Variants in MIER3 observed in about 807,000 individuals in gnomAD.
MIER3 encodes mesoderm induction early response protein 3.
In MIER3, 9 loss-of-function variants were observed where a neutral mutation model predicts 63.2. The observed-to-expected ratio is 0.14, with a 90% confidence interval of 0.09 to 0.25. The LOEUF (loss-of-function observed/expected upper bound fraction) is 0.25, where lower values mean the gene tolerates loss of function less well. Ranked by LOEUF, MIER3 falls within the 10% of genes least tolerant of loss-of-function variation. The pLI, the probability that MIER3 is intolerant of heterozygous loss-of-function variation, is 1.00. For missense variants in MIER3, 512 were observed against 666.2 expected (o/e 0.77, Z 2.55); for synonymous variants, 205 against 224.9 (o/e 0.91, Z 0.79).
chr5:56,931,700 CACCAAATCACTGTTATT>C (rs1750273115), intron 8 of MIER3, among the ~76,000 whole-genome samples: 1 of 152,016 alleles, frequency 6.6e-6, no homozygotes. Flanking sequence ...CAAAAGCAGG[CACCAAATCACTGTTATT>C]ACCAAATATC....
At chr5:56,936,099 C>T (rs1472267343) in intron 5 of MIER3, among the ~76,000 whole-genome samples, 3 of 152,084 alleles carry the variant, frequency 2.0e-5, no homozygotes, top group Non-Finnish European at 4.4e-5. Context: ...TGCCTGTCAT[C>T]CCAGCTACTC....
At chr5:56,929,745 T>C (rs940550088) in intron 9 of MIER3, among the ~76,000 whole-genome samples, 3 of 152,172 alleles carry the variant, frequency 2.0e-5, no homozygotes, top group African/African-American at 7.2e-5. Flanking sequence ...CAGATGTTAA[T>C]GTTGGTGAAT....
chr5:56,935,473 C>T lies in MIER3; in HGVS notation c.550G>A (p.Ala184Thr). Reference sequence around the variant, plus strand: ...TCTCCAAGATAAGGGGGAATCTCTGCCTGATATTGTAAACCAATCATTATT... The same window carrying T: ...TCTCCAAGATAAGGGGGAATCTCTGTCTGATATTGTAAACCAATCATTATT... ...KEIMIGLQYQ[A>T]EIPPYLGEYD... is the part of the protein sequence containing the mutation. The change falls in exon 7 of 13, where the codon GCA (alanine) becomes ACA (threonine). Residue 184 changes from alanine to threonine, a missense_variant. Physicochemically the swap from Ala to Thr is moderately conservative, Grantham distance 58 (BLOSUM62 0). This residue lies in a region of MIER3 where 118 missense variants were observed against 133.6 expected (regional missense o/e 0.88). Transcript: ENST00000381199. The T allele has an allele frequency of 1.3e-6, 2 of 1,594,900 alleles. No individual in the cohort carries two copies. Among genetic ancestry groups the T allele is most frequent in the Non-Finnish European group, 1.7e-6 (2 of 1,174,712 alleles).
chr5:56,937,557 G>A (rs1750490792), intron 5 of MIER3, 21 bp downstream of exon 5: 1 of 1,589,010 alleles, frequency 6.3e-7, no homozygotes, highest in Non-Finnish European at 8.6e-7. Flanking sequence ...CTATTTATCA[G>A]TAATCCACTG....
upstream of MIER3, chr5:56,952,145 C>T: frequency 8.2e-7 from 1 of 1,213,830 alleles, no homozygotes; most frequent in South Asian, 2.8e-5. Flanking sequence ...AGCCCAGTCC[C>T]CGGATGGGGC....
intron 3 of MIER3, among the ~76,000 whole-genome samples, chr5:56,940,340 C>G (rs1013908191): frequency 6.6e-6 from 1 of 152,096 alleles, no homozygotes; most frequent in African/African-American, 2.4e-5. Context: ...ATCCGTAAAG[C>G]AAACAACATG....
chr5:56,926,572 A>G (rs1749992382), intron 10 of MIER3, among the ~76,000 whole-genome samples: 1 of 152,206 alleles, frequency 6.6e-6, no homozygotes, highest in Non-Finnish European at 1.5e-5. Context: ...GTGAAATCCA[A>G]AACACTGACA....
At chr5:56,937,864 A>C (rs1196284136) in intron 4 of MIER3, among the ~76,000 whole-genome samples, 166 bp from the exon 5 acceptor site, 1 of 150,296 alleles carries the variant, frequency 6.7e-6, no homozygotes, top group African/African-American at 2.4e-5. Flanking sequence ...AATATTATAT[A>C]TTATATAATA....
chr5:56,951,209 G>A lies in MIER3; in HGVS notation c.10-557C>T, dbSNP rs193213838. ...GCGCGAGCCCCCCATCCTCTCTCTC[G>A]AGTCCAGAGATGCAGCTCCTCTCAG... On this transcript the variant is annotated intron_variant, in intron 1 of 12. Transcript: ENST00000381199. Among the ~76,000 whole-genome samples, 1,228 of 151,676 alleles carry A rather than the reference G, an allele frequency of 8.1e-3. 10 individuals carry two copies. The highest frequency in any genetic ancestry group is 0.02 in the Middle Eastern group (6 of 294).
chr5:56,952,007 C>G, intron 1 of MIER3, 87 bp downstream of exon 1: 1 of 1,129,432 alleles, frequency 8.9e-7, no homozygotes, highest in South Asian at 2.6e-5. Flanking sequence ...GAAAGAGCCC[C>G]GGATCCCCCA....
At chr5:56,933,103 GT>G (rs1750328440) in intron 8 of MIER3, 143 bp downstream of exon 8, 2 of 836,160 alleles carry the variant, frequency 2.4e-6, no homozygotes, top group Non-Finnish European at 3.4e-6. Context: ...CAAGGTTATG[GT>G]TTTTTAAACC....
At position 56,935,463 on chromosome 5, in the gene MIER3, G is replaced by T; in HGVS notation, c.560C>A (p.Pro187His). 6.3e-7 allele frequency: 1 copy of T among 1,595,126 alleles called. No homozygotes were observed. Among genetic ancestry groups the T allele is most frequent in the Admixed American group, 1.8e-5 (1 of 55,326 alleles). The change falls in exon 7 of 13, where the codon CCC becomes CAC. Residue 187 changes from proline to histidine, a missense_variant. By Grantham distance (77) the Pro-to-His change is moderately conservative. Transcript: ENST00000381199. The part of the protein sequence containing the change: ...MIGLQYQAEI[P>H]PYLGEYDGNE... ...ACCATCGTACTCTCCAAGATAAGGG[G>T]GAATCTCTGCCTGATATTGTAAACC... is the stretch of plus-strand genomic sequence containing the variant.
chr5:56,933,371 C>A lies in MIER3; in HGVS notation c.623G>T (p.Trp208Leu). The A allele has an allele frequency of 6.2e-7, 1 of 1,610,718 alleles. No individual in the cohort carries two copies. Among genetic ancestry groups the A allele is most frequent in the Non-Finnish European group, 8.5e-7 (1 of 1,178,632 alleles). The change falls in exon 8 of 13, where the codon TGG becomes TTG. Residue 208 changes from tryptophan (W) to leucine (L), a missense_variant. By Grantham distance (61) the Trp-to-Leu change is moderately conservative. Around this residue, in one of 5 missense-constraint regions of MIER3, gnomAD observed 118 missense variants for 133.6 expected, o/e 0.88. Transcript: ENST00000381199. ...GCTCTCCAAAACCACATCAGGACAC[C>A]AAAGTAACTGGTCTTCGTTTTCATA... ...KVYENEDQLL[W>L]CPDVVLESKV...
At chr5:56,930,240 A>C (rs1750212458) in intron 9 of MIER3, among the ~76,000 whole-genome samples, 1 of 152,184 alleles carries the variant, frequency 6.6e-6, no homozygotes, top group Non-Finnish European at 1.5e-5. Flanking sequence ...ATGATTACTA[A>C]AAATACAATT....
intron 2 of MIER3, among the ~76,000 whole-genome samples, chr5:56,949,751 A>G (rs553028984): frequency 1.1e-4 from 16 of 152,324 alleles, no homozygotes; most frequent in Admixed American, 1.0e-3. Context: ...ACCACTAACG[A>G]AAGTTATTTA....
intron 10 of MIER3, among the ~76,000 whole-genome samples, chr5:56,925,022 C>A (rs1337458876): frequency 6.6e-6 from 1 of 152,108 alleles, no homozygotes; most frequent in Non-Finnish European, 1.5e-5. Context: ...ATCTCTAGTG[C>A]CTAAAACAAT....
intron 4 of MIER3, chr5:56,938,220 T>C (rs1356034845): frequency 6.4e-6 from 3 of 470,238 alleles, no homozygotes; most frequent in African/African-American, 2.0e-5. Flanking sequence ...TAAATACTTG[T>C]TGAATGACTA....
Position 56,951,193 on chromosome 5 carries a change from C to T in MIER3, c.10-541G>A, listed in dbSNP as rs556208166. On this transcript the variant is annotated intron_variant, in intron 1 of 12. Transcript: ENST00000381199. ...TCGCCCCCAAACCAAAGCGCGAGCC[C>T]CCCATCCTCTCTCTCGAGTCCAGAG... Among the ~76,000 whole-genome samples, 5 of 152,242 alleles carry T rather than the reference C, an allele frequency of 3.3e-5. No homozygotes were observed. In the East Asian group the frequency reaches 7.8e-4, roughly 24 times the overall value.
intron 2 of MIER3, 117 bp from the exon 3 acceptor site, chr5:56,947,188 T>C (rs1423197657): frequency 4.3e-5 from 41 of 957,426 alleles, no homozygotes; most frequent in Non-Finnish European, 6.2e-5. Context: ...TTTTACTAAA[T>C]GAATTTACTA....
Sources: allele counts gnomAD v4.1 joint callset (sites outside exome capture counted in the v4.1 genomes callset), GRCh38; gene constraint gnomAD v4.1.1; regional missense constraint gnomAD v4.1.1; transcripts MANE v1.5; gene names NCBI Gene and HGNC (gene_info 2026-07-23, HGNC 2026-07-21).